Variants in COQ8A observed in about 807,000 individuals in gnomAD.
COQ8A encodes the protein coenzyme Q8A.
Under a neutral mutation model 65.0 loss-of-function variants are expected in COQ8A, and 51 were observed. The observed-to-expected ratio is 0.78, with a 90% CI of 0.63 to 0.99. The LOEUF (loss-of-function observed/expected upper bound fraction) is 0.99, where lower values mean the gene tolerates loss of function less well. COQ8A is among the 50% of genes least tolerant of loss of function. The probability of loss-of-function intolerance (pLI) is 0.00; values close to 1 mark genes in which losing one functional copy is unlikely to be tolerated. For missense variants in COQ8A, 940 were observed against 875.0 expected, an observed-to-expected ratio of 1.07 and a Z score of -0.94; for synonymous variants, 371 against 353.2, an observed-to-expected ratio of 1.05 and a Z score of -0.57.
At chr1:226,943,120 G>A (rs1261000159) in intron 1 of COQ8A, among the ~76,000 whole-genome samples, 1 of 152,162 alleles carries the variant, frequency 6.6e-6, no homozygotes, top group Non-Finnish European at 1.5e-5. Flanking sequence ...CTGTAGAAAA[G>A]GATCAGGAAG....
intron 4 of COQ8A, among the ~76,000 whole-genome samples, chr1:226,969,452 A>C (rs1658754968): frequency 6.6e-6 from 1 of 152,044 alleles, no homozygotes; most frequent in Non-Finnish European, 1.5e-5. Context: ...GTGCGTGATA[A>C]GTCTCGATCT....
chr1:226,967,431 C>G (rs573781766), intron 4 of COQ8A, among the ~76,000 whole-genome samples: 2 of 152,072 alleles, frequency 1.3e-5, no homozygotes, highest in Non-Finnish European at 2.9e-5. Flanking sequence ...GTCCTCACTT[C>G]GGAGTCTTTG....
At chr1:226,984,799 T>C in intron 12 of COQ8A, 77 bp from the exon 13 acceptor site, 7 of 1,537,364 alleles carry the variant, frequency 4.6e-6, no homozygotes, top group Non-Finnish European at 6.3e-6. Context: ...TGCCCTCTGT[T>C]GCACCCCCTT....
At chr1:226,984,280 G>T in intron 11 of COQ8A, 45 bp downstream of exon 11, 1 of 1,610,336 alleles carries the variant, frequency 6.2e-7, no homozygotes, top group Non-Finnish European at 8.5e-7. Context: ...TGGCCCTGCT[G>T]TGTGGCTGTT....
chr1:226,941,354 G>A lies in COQ8A; in HGVS notation c.-10+955G>A, dbSNP rs1039936648. Among the ~76,000 whole-genome samples the A allele has an allele frequency of 2.6e-5, 4 of 152,236 alleles. No homozygotes were observed. The South Asian group carries it at 8.3e-4, about 32-fold the overall frequency. On this transcript the variant is annotated intron_variant, in intron 1 of 14. Coordinates refer to ENST00000366777, the MANE Select transcript of COQ8A (RefSeq NM_020247.5). ...AACATTCCTTGATGCCAGCCTGCCA[G>A]TTGTCACGCTGTGGATGGGTAGGTC...
chr1:226,943,107 T>G (rs1260005447), intron 1 of COQ8A, among the ~76,000 whole-genome samples: 1 of 152,244 alleles, frequency 6.6e-6, no homozygotes, highest in East Asian at 1.9e-4. Context: ...TGCCCTTTGT[T>G]GCCTGTAGAA....
rs1178430012 is a variant in COQ8A, at chr1:226,976,200, G to C, written c.656-1249G>C. Reference sequence around the variant, plus strand: ...CGGGGCTGCGGGACTGCGGGGCTGTGGGACTGCGATGTTGCCTGGCTGCGG... The same window carrying C: ...CGGGGCTGCGGGACTGCGGGGCTGTCGGACTGCGATGTTGCCTGGCTGCGG... On this transcript the variant is annotated intron_variant, in intron 4 of 14. Coordinates refer to ENST00000366777, the MANE Select transcript of COQ8A (RefSeq NM_020247.5). 1.1e-3 allele frequency among the ~76,000 whole-genome samples: 28 copies of C among 26,464 alleles called. 1 individual carries two copies. The East Asian group carries it at 0.017, about 16-fold the overall frequency. 17.4% of individuals were successfully genotyped at this position (26,464 alleles called of 152,430 possible).
chr1:226,987,516 A>G lies in COQ8A; in HGVS notation c.*779A>G, dbSNP rs1282738489. 1.3e-5 allele frequency: 2 copies of G among 149,904 alleles called. No homozygotes were observed. Among genetic ancestry groups the G allele is most frequent in the Non-Finnish European group, 3.0e-5 (2 of 66,940 alleles). 9.3% of individuals were successfully genotyped at this position (149,904 alleles called of 1,614,324 possible). On this transcript the variant is annotated 3_prime_UTR_variant, in exon 15 of 15. Coordinates refer to ENST00000366777, the MANE Select transcript of COQ8A (RefSeq NM_020247.5). ...AATTATCGAATCAACAACTTGTTTC[A>G]ATTTAATAAAAATGCTCATGGGAAG...
intron 1 of COQ8A, among the ~76,000 whole-genome samples, chr1:226,953,166 A>G (rs1245467243): frequency 6.6e-6 from 1 of 152,130 alleles, no homozygotes; most frequent in Non-Finnish European, 1.5e-5. Flanking sequence ...AGTAGCTGGG[A>G]TTACAGGCGC....
chr1:226,950,397 A>T (rs549073584), intron 1 of COQ8A, among the ~76,000 whole-genome samples: 19 of 152,102 alleles, frequency 1.2e-4, no homozygotes, highest in Non-Finnish European at 2.2e-4. Context: ...TCAAAAACAC[A>T]CTGTTTTGCT....
intron 1 of COQ8A, among the ~76,000 whole-genome samples, chr1:226,957,722 A>C (rs1657892692): frequency 6.6e-6 from 1 of 152,120 alleles, no homozygotes; most frequent in Non-Finnish European, 1.5e-5. Flanking sequence ...AAAAGGACAC[A>C]ACTCATTTTC....
intron 2 of COQ8A, among the ~76,000 whole-genome samples, chr1:226,963,925 C>T (rs1435210791): frequency 1.3e-5 from 2 of 152,194 alleles, no homozygotes; most frequent in East Asian, 3.9e-4. Flanking sequence ...TGTTTCTACT[C>T]TGAGAGTAGT....
At position 226,948,874 on chromosome 1, in the gene COQ8A, T is replaced by C. The variant is rs376462577; in HGVS notation, c.-10+8475T>C. Among the ~76,000 whole-genome samples the C allele has an allele frequency of 2.0e-5, 3 of 152,214 alleles. No individual in the cohort carries two copies. In the East Asian group the frequency reaches 5.8e-4, roughly 29 times the overall value. Reference sequence around the variant, plus strand: ...ATGGAAGAGCTGGGAATCAAGGGCCTGAATAGGAATACGTTCTTGAATTTA... The same window carrying C: ...ATGGAAGAGCTGGGAATCAAGGGCCCGAATAGGAATACGTTCTTGAATTTA... On this transcript the variant is annotated intron_variant, in intron 1 of 14. Transcript: ENST00000366777.
intron 14 of COQ8A, 34 bp from the exon 15 acceptor site, chr1:226,986,419 C>G (rs373261003): frequency 1.2e-5 from 20 of 1,607,556 alleles, no homozygotes; most frequent in Admixed American, 6.7e-5. Context: ...GCTCTGGTGT[C>G]TCGCCGCCAT....
chr1:226,962,141 C>T (rs938324896), intron 2 of COQ8A, among the ~76,000 whole-genome samples: 6 of 152,204 alleles, frequency 3.9e-5, no homozygotes, highest in Admixed American at 2.6e-4. Flanking sequence ...TCCCACTGAG[C>T]CTGCTGAGCC....
At chr1:226,981,300 G>A (rs1659669958) in intron 5 of COQ8A, among the ~76,000 whole-genome samples, 1 of 152,158 alleles carries the variant, frequency 6.6e-6, no homozygotes, top group South Asian at 2.1e-4. Flanking sequence ...TGGGCCACAC[G>A]CCTGCTGGCA....
At chr1:226,948,004 T>C (rs1657147579) in intron 1 of COQ8A, among the ~76,000 whole-genome samples, 1 of 152,176 alleles carries the variant, frequency 6.6e-6, no homozygotes, top group Non-Finnish European at 1.5e-5. Flanking sequence ...GGTCTGGAAA[T>C]TATTCTAGAA....
chr1:226,943,166 A>T (rs557532180), intron 1 of COQ8A, among the ~76,000 whole-genome samples: 1 of 152,244 alleles, frequency 6.6e-6, no homozygotes, highest in Non-Finnish European at 1.5e-5. Context: ...AGAATTTTAA[A>T]GAAGGCTATT....
chr1:226,957,610 G>T (rs1002993964), intron 1 of COQ8A, among the ~76,000 whole-genome samples: 1 of 152,160 alleles, frequency 6.6e-6, no homozygotes, highest in Non-Finnish European at 1.5e-5. Flanking sequence ...GTGTATAAGG[G>T]ATCCTCAGAG....
Sources: gnomAD v4.1 joint callset for allele counts (sites outside exome capture counted in the v4.1 genomes callset) on GRCh38, gnomAD v4.1.1 for gene constraint, MANE v1.5 for transcripts, NCBI Gene and HGNC (gene_info 2026-07-23, HGNC 2026-07-21) for gene names.